The following NECAB1 variants were observed in gnomAD, a reference collection of about 807,000 sequenced individuals.
NECAB1 encodes the protein N-terminal EF-hand calcium-binding protein 1.
Under a neutral mutation model 57.5 loss-of-function variants are expected in NECAB1, and 29 were observed. That is an observed-to-expected ratio of 0.50 (90% CI 0.38 to 0.69). The LOEUF is 0.69. NECAB1 is among the 30% of genes least tolerant of loss of function. The pLI, the probability that NECAB1 is intolerant of heterozygous loss-of-function variation, is 0.00. For synonymous variants in NECAB1, 142 were observed against 147.7 expected (o/e 0.96, Z 0.28); for missense variants, 372 against 413.8 (o/e 0.90, Z 0.88).
chr8:90,915,547 G>C (rs1586119855), intron 5 of NECAB1, among the ~76,000 whole-genome samples: 1 of 152,166 alleles, frequency 6.6e-6, no homozygotes, highest in East Asian at 1.9e-4. Flanking sequence ...TTTTAAATAG[G>C]ACTATTATAT....
At chr8:90,846,592 T>C (rs147278317) in intron 3 of NECAB1, among the ~76,000 whole-genome samples, 1 of 152,346 alleles carries the variant, frequency 6.6e-6, no homozygotes, top group East Asian at 1.9e-4. Flanking sequence ...TAAGATAGTG[T>C]ATTAGTCCAT....
chr8:90,898,453 T>G (rs1809416973), intron 5 of NECAB1, among the ~76,000 whole-genome samples: 2 of 152,126 alleles, frequency 1.3e-5, no homozygotes, highest in African/African-American at 4.8e-5. Context: ...CCTAAAAAAT[T>G]AACACATTTG....
chr8:90,834,549 G>C (rs1283470826), intron 3 of NECAB1, among the ~76,000 whole-genome samples: 1 of 151,966 alleles, frequency 6.6e-6, no homozygotes, highest in Non-Finnish European at 1.5e-5. Flanking sequence ...CAAATCTGTT[G>C]GTGTCTTAAT....
At chr8:90,926,405 G>A (rs1810272630) in intron 7 of NECAB1, among the ~76,000 whole-genome samples, 1 of 152,140 alleles carries the variant, frequency 6.6e-6, no homozygotes, top group Admixed American at 6.5e-5. Context: ...CTTGACACCT[G>A]ATAAAATAGA....
chr8:90,922,815 C>T (rs112198577), intron 6 of NECAB1, among the ~76,000 whole-genome samples: 84 of 152,062 alleles, frequency 5.5e-4, no homozygotes, highest in African/African-American at 2.0e-3. Context: ...TTTTTTATAC[C>T]ATAGGAAAAT....
chr8:90,925,395 G>A, intron 6 of NECAB1, 140 bp from the exon 7 acceptor site: 2 of 835,922 alleles, frequency 2.4e-6, no homozygotes, highest in Non-Finnish European at 3.6e-6. Flanking sequence ...GGTTTCTAGA[G>A]CATTTACAAG....
At chr8:90,955,112 T>TTTTATATA (rs1554578887) in intron 12 of NECAB1, among the ~76,000 whole-genome samples, 7 of 70,816 alleles carry the variant, frequency 9.9e-5, no homozygotes, top group Admixed American at 3.8e-4. Context: ...GGTATATAAA[T>TTTTATATA]TATATATATA....
intron 5 of NECAB1, among the ~76,000 whole-genome samples, chr8:90,914,069 C>T (rs185483489): frequency 6.6e-6 from 1 of 152,268 alleles, no homozygotes; most frequent in East Asian, 1.9e-4. Flanking sequence ...CCCTCTGGTG[C>T]CTGACTCTCC....
In NECAB1 at chr8:90,958,631, C is replaced by T; in HGVS notation, c.*3119C>T. On this transcript the variant is annotated 3_prime_UTR_variant, in exon 13 of 13. Coordinates refer to ENST00000417640, the MANE Select transcript of NECAB1 (RefSeq NM_022351.5). ...TTAAAAGCAACAAGCAATTATGTACCATATATACACTGTAGCAAATATTTT... is the reference window on the plus strand; with the variant it reads ...TTAAAAGCAACAAGCAATTATGTACTATATATACACTGTAGCAAATATTTT... The T allele has an allele frequency of 4.9e-6, 1 of 203,408 alleles. No homozygotes were observed. 12.6% of individuals were successfully genotyped at this position (203,408 alleles called of 1,614,324 possible).
chr8:90,949,321 T>G (rs914758919), intron 10 of NECAB1, among the ~76,000 whole-genome samples: 1 of 152,034 alleles, frequency 6.6e-6, no homozygotes, highest in Non-Finnish European at 1.5e-5. Context: ...GTGACTCAAA[T>G]GGCATAGAGC....
intron 5 of NECAB1, among the ~76,000 whole-genome samples, chr8:90,888,702 G>C (rs762129075): frequency 6.6e-6 from 1 of 152,142 alleles, no homozygotes; most frequent in Non-Finnish European, 1.5e-5. Flanking sequence ...ACATCCAAAA[G>C]AATGTACTTT....
At chr8:90,911,811 C>CT in intron 5 of NECAB1, among the ~76,000 whole-genome samples, 1 of 152,202 alleles carries the variant, frequency 6.6e-6, no homozygotes, top group African/African-American at 2.4e-5. Context: ...GTCCATTACA[C>CT]TTTATAATAT....
chr8:90,823,377 TG>T (rs1225912218), intron 2 of NECAB1, among the ~76,000 whole-genome samples: 1 of 146,210 alleles, frequency 6.8e-6, no homozygotes, highest in Non-Finnish European at 1.5e-5. Flanking sequence ...TTATATTTTT[TG>T]CAAATAAGGA....
At chr8:90,949,981 A>G (rs1232781721) in intron 11 of NECAB1, 97 bp downstream of exon 11, 5 of 694,078 alleles carry the variant, frequency 7.2e-6, no homozygotes, top group Non-Finnish European at 1.2e-5. Flanking sequence ...ATTCTCTTTT[A>G]CCTTACCTTA....
At position 90,811,139 on chromosome 8, in the gene NECAB1, G is replaced by A. The variant is rs975624139; in HGVS notation, c.124+9424G>A. 2.0e-5 allele frequency among the ~76,000 whole-genome samples: 3 copies of A among 151,972 alleles called. No homozygotes were observed. In the East Asian group the frequency reaches 5.8e-4, roughly 29 times the overall value. ...ATTTTTTGGGGTTTTGTTCAGCAGA[G>A]ACAGGGTTTCACTCTGTTAGCCAGG... On this transcript the variant is annotated intron_variant, in intron 2 of 12. Transcript: ENST00000417640.
rs138568816 is a variant in NECAB1 at position 90,851,493 on chromosome 8, A to G, written c.234-20635A>G. Among the ~76,000 whole-genome samples the G allele has an allele frequency of 3.0e-3, 453 of 152,288 alleles. 4 individuals are homozygous for G. The highest frequency in any genetic ancestry group is 0.01 in the African/African-American group (425 of 41,548). ...TCATAATTGAATTGTAGGACACTCA[A>G]TTGATATCCAGACTGTTGGAGAATT... On this transcript the variant is annotated intron_variant, in intron 3 of 12. Coordinates refer to ENST00000417640, the MANE Select transcript of NECAB1 (RefSeq NM_022351.5).
intron 4 of NECAB1, among the ~76,000 whole-genome samples, chr8:90,875,817 G>A (rs1468721652): frequency 1.4e-5 from 2 of 145,632 alleles, no homozygotes; most frequent in East Asian, 2.1e-4. Flanking sequence ...TCAAGACCAC[G>A]GTGAAACCCC....
chr8:90,798,909 C>T (rs1811714474), intron 1 of NECAB1, among the ~76,000 whole-genome samples: 1 of 152,152 alleles, frequency 6.6e-6, no homozygotes, highest in Non-Finnish European at 1.5e-5. Context: ...ATTTACATCC[C>T]CACCAACTGT....
intron 3 of NECAB1, among the ~76,000 whole-genome samples, chr8:90,841,028 C>T (rs1348958104): frequency 1.3e-5 from 2 of 150,564 alleles, no homozygotes; most frequent in Non-Finnish European, 2.9e-5. Flanking sequence ...GAGGCCGAGG[C>T]GGGCGGATCA....
Sources: allele counts gnomAD v4.1 joint callset (sites outside exome capture counted in the v4.1 genomes callset), GRCh38; gene constraint gnomAD v4.1.1; transcripts MANE v1.5; gene names NCBI Gene and HGNC (gene_info 2026-07-23, HGNC 2026-07-21).